HECW1: variants seen among roughly 807,000 people sequenced by gnomAD.
HECW1 encodes HECT, C2 and WW domain containing E3 ubiquitin protein ligase 1.
A neutral mutation model predicts 182.3 loss-of-function variants in HECW1; 61 were observed. That is an observed-to-expected ratio of 0.33 (90% CI 0.27 to 0.41). HECW1 has a LOEUF of 0.41. Among genes scored for constraint, HECW1 ranks in the 10% least tolerant of loss-of-function variants. The probability of loss-of-function intolerance (pLI) is 1.00; values close to 1 mark genes in which losing one functional copy is unlikely to be tolerated. For synonymous variants in HECW1, 859 were observed against 832.6 expected, an observed-to-expected ratio of 1.03 and a Z score of -0.55; for missense variants, 1,739 against 2,108.9, an observed-to-expected ratio of 0.82 and a Z score of 3.44.
chr7:43,513,254 A>G (rs548594258), intron 24 of HECW1, among the ~76,000 whole-genome samples: 1 of 152,266 alleles, frequency 6.6e-6, no homozygotes, highest in East Asian at 1.9e-4. Flanking sequence ...GTCAGTGATA[A>G]ATGCACATGT....
chr7:43,468,465 T>G (rs935840535), intron 15 of HECW1, among the ~76,000 whole-genome samples: 1 of 150,820 alleles, frequency 6.6e-6, no homozygotes, highest in Non-Finnish European at 1.5e-5. Context: ...AGCACTCAGG[T>G]GGAACGGATA....
intron 3 of HECW1, among the ~76,000 whole-genome samples, chr7:43,270,403 C>T (rs780449580): frequency 1.2e-4 from 18 of 152,192 alleles, no homozygotes; most frequent in Non-Finnish European, 2.2e-4. Context: ...GCTAGCAACT[C>T]GGGCTCTCCA....
At chr7:43,443,962 T>A (rs185177110) in intron 10 of HECW1, among the ~76,000 whole-genome samples, 1 of 152,358 alleles carries the variant, frequency 6.6e-6, no homozygotes, top group East Asian at 1.9e-4. Context: ...TTGGGCATTT[T>A]AACCAAAAGA....
At chr7:43,175,525 C>T (rs143924783) in intron 2 of HECW1, among the ~76,000 whole-genome samples, 1 of 152,300 alleles carries the variant, frequency 6.6e-6, no homozygotes, top group African/African-American at 2.4e-5. Context: ...ATTTCATGAA[C>T]ATCAGTGCTG....
chr7:43,144,785 C>A (rs1788523006), intron 2 of HECW1, among the ~76,000 whole-genome samples: 1 of 152,128 alleles, frequency 6.6e-6, no homozygotes, highest in South Asian at 2.1e-4. Context: ...GCCATTTCTC[C>A]AAGGTGCCCT....
intron 3 of HECW1, among the ~76,000 whole-genome samples, chr7:43,284,183 C>A (rs1804300323): frequency 1.3e-5 from 2 of 152,008 alleles, no homozygotes; most frequent in African/African-American, 4.8e-5. Context: ...AATGGGAGGA[C>A]TGTTTTTCCC....
chr7:43,353,465 C>T (rs552985380), intron 5 of HECW1, among the ~76,000 whole-genome samples: 91 of 152,124 alleles, frequency 6.0e-4, no homozygotes, highest in Non-Finnish European at 1.1e-3. Flanking sequence ...AAGATGGCTT[C>T]ACTTCCCCCC....
intron 7 of HECW1, among the ~76,000 whole-genome samples, chr7:43,401,782 T>A (rs1293505186): frequency 6.6e-6 from 1 of 151,698 alleles, no homozygotes; most frequent in African/African-American, 2.4e-5. Flanking sequence ...CCACCCTCAA[T>A]CCTGGAAACC....
chr7:43,136,939 A>G (rs567217172), intron 2 of HECW1, among the ~76,000 whole-genome samples: 98 of 152,290 alleles, frequency 6.4e-4, no homozygotes, highest in African/African-American at 2.3e-3. Context: ...CTCAAGTTTA[A>G]TATGCCCAAA....
chr7:43,446,578 T>C (rs2077062513), intron 11 of HECW1, among the ~76,000 whole-genome samples: 1 of 152,214 alleles, frequency 6.6e-6, no homozygotes, highest in Non-Finnish European at 1.5e-5. Context: ...TTGTGTTTCT[T>C]TATGTTTGAA....
At chr7:43,211,472 TG>T (rs146751231) in intron 2 of HECW1, among the ~76,000 whole-genome samples, 10,079 of 152,178 alleles carry the variant, frequency 0.066, 392 homozygotes, top group African/African-American at 0.086. Context: ...TGATCATCTC[TG>T]TCCTCAGGGA....
At position 43,479,803 on chromosome 7, in the gene HECW1, G is replaced by A. The variant is rs922159012; in HGVS notation, c.3234+59G>A. 74 of 1,598,844 alleles carry A rather than the reference G, an allele frequency of 4.6e-5. No homozygotes were observed. The Admixed American group carries it at 1.2e-3, about 26-fold the overall frequency. The stretch of plus-strand genomic sequence containing the variant: ...CGGTCACAGTCTCTGCCTCTTCCAT[G>A]GGAGCAGAACAGTTCTTCAGTGGCT... On this transcript the variant is annotated intron_variant, in intron 17 of 29. Transcript: ENST00000395891.
intron 8 of HECW1, among the ~76,000 whole-genome samples, 170 bp downstream of exon 8, chr7:43,407,901 C>G (rs2075665159): frequency 1.3e-5 from 2 of 152,166 alleles, no homozygotes. Flanking sequence ...ACTCAGGGAT[C>G]TTGATCAAGT....
At chr7:43,367,508 T>A (rs1231811051) in intron 6 of HECW1, among the ~76,000 whole-genome samples, 1 of 152,256 alleles carries the variant, frequency 6.6e-6, no homozygotes, top group African/African-American at 2.4e-5. Flanking sequence ...TGCTAGCCTT[T>A]TCTTAGAGGA....
chr7:43,179,554 T>TTTG (rs35378292), intron 2 of HECW1, among the ~76,000 whole-genome samples: 21,118 of 148,162 alleles, frequency 0.14, 1,699 homozygotes, highest in Non-Finnish European at 0.18. Flanking sequence ...ATTTGCTAAG[T>TTTG]TTGTTGTTGT....
chr7:43,377,248 A>C (rs1380618021), intron 6 of HECW1, among the ~76,000 whole-genome samples: 5 of 152,238 alleles, frequency 3.3e-5, no homozygotes, highest in African/African-American at 1.2e-4. Flanking sequence ...TTCTACCATC[A>C]GTGCTTTTTA....
intron 2 of HECW1, among the ~76,000 whole-genome samples, chr7:43,136,476 T>C (rs1787553167): frequency 6.6e-6 from 1 of 152,054 alleles, no homozygotes; most frequent in Non-Finnish European, 1.5e-5. Flanking sequence ...TACAGGGAGG[T>C]TCTCTCATCT....
At chr7:43,126,526 T>C (rs566892669) in intron 2 of HECW1, among the ~76,000 whole-genome samples, 1 of 152,318 alleles carries the variant, frequency 6.6e-6, no homozygotes, top group Non-Finnish European at 1.5e-5. Context: ...CTTAAATGTT[T>C]ACTAACTAGC....
chr7:43,304,976 G>A (rs1437913912), intron 3 of HECW1, among the ~76,000 whole-genome samples: 1 of 152,210 alleles, frequency 6.6e-6, no homozygotes, highest in Admixed American at 6.5e-5. Flanking sequence ...TTCAGGCTCT[G>A]ATCGAAATCT....
Sources: gnomAD v4.1 joint callset for allele counts (sites outside exome capture counted in the v4.1 genomes callset) on GRCh38, gnomAD v4.1.1 for gene constraint, MANE v1.5 for transcripts, NCBI Gene and HGNC (gene_info 2026-07-23, HGNC 2026-07-21) for gene names.